The following DCHS2 variants were observed in gnomAD, a reference collection of about 807,000 sequenced individuals.
DCHS2 encodes the protein dachsous cadherin-related 2.
In DCHS2, 142 loss-of-function variants were observed where a neutral mutation model predicts 182.4. That is an observed-to-expected ratio of 0.78 (90% CI 0.68 to 0.89). DCHS2 has a LOEUF of 0.89. Among genes scored for constraint, DCHS2 ranks in the 40% least tolerant of loss-of-function variants. The pLI is 0.00. For missense variants in DCHS2, 4,319 were observed against 4,198.6 expected, an observed-to-expected ratio of 1.03 and a Z score of -0.79; for synonymous variants, 1,740 against 1,663.3, an observed-to-expected ratio of 1.05 and a Z score of -1.12.
intron 13 of DCHS2, among the ~76,000 whole-genome samples, chr4:154,283,041 C>T (rs1056261763): frequency 7.2e-5 from 11 of 152,142 alleles, no homozygotes; most frequent in Non-Finnish European, 1.6e-4. Context: ...AAGAAAATAG[C>T]TTGGTGGGCA....
intron 1 of DCHS2, among the ~76,000 whole-genome samples, chr4:154,447,129 T>G (rs1579091394): frequency 6.6e-6 from 1 of 151,960 alleles, no homozygotes; most frequent in African/African-American, 2.4e-5. Flanking sequence ...CCATCTCTAC[T>G]AAAAATACAA....
intron 3 of DCHS2, among the ~76,000 whole-genome samples, chr4:154,354,084 G>A (rs192997944): frequency 2.0e-5 from 3 of 151,966 alleles, no homozygotes; most frequent in East Asian, 1.9e-4. Context: ...GTGCCACCAC[G>A]CCCGGTTAAC....
chr4:154,238,160 G>GA (rs755539848), intron 19 of DCHS2, among the ~76,000 whole-genome samples: 1 of 11,066 alleles, frequency 9.0e-5, no homozygotes, highest in Non-Finnish European at 8.3e-4. Context: ...AAAAGACGGT[G>GA]GGGGGGTGGG....
chr4:154,333,007 C>CA lies in DCHS2; in HGVS notation c.3200dup (p.Val1068GlyfsTer28). ...GTTTCTCGATAACGACTGTCAGCAC[C>CA]AGCAGGGCTGCCTGAGGATGCACGC... On this transcript the variant is annotated frameshift_variant, in exon 5 of 20. Coordinates refer to ENST00000357232, the MANE Select transcript of DCHS2 (RefSeq NM_001358235.2). LOFTEE classifies it high-confidence loss of function. The CA allele has an allele frequency of 6.2e-7, 1 of 1,614,190 alleles. No individual in the cohort carries two copies.
At position 154,431,096 on chromosome 4, in the gene DCHS2, C is replaced by CA. The variant is rs541781484; in HGVS notation, c.2053-53653dup. ...TAGAATCAGCTTGTCAAATTCTACC[C>CA]AAAAAAATCTGCTGAGATTTTTCTT... On this transcript the variant is annotated intron_variant, in intron 1 of 19. Coordinates refer to ENST00000357232, the MANE Select transcript of DCHS2 (RefSeq NM_001358235.2). 5.5e-4 allele frequency among the ~76,000 whole-genome samples: 84 copies of CA among 152,186 alleles called. 1 individual carries two copies. The Middle Eastern group carries it at 0.014, about 25-fold the overall frequency.
chr4:154,444,532 C>T (rs1421711756), intron 1 of DCHS2, among the ~76,000 whole-genome samples: 1 of 152,140 alleles, frequency 6.6e-6, no homozygotes, highest in Admixed American at 6.6e-5. Context: ...CTTCCACCTC[C>T]ACTTCTACCA....
rs1421821397 is a variant in DCHS2 at position 154,337,095 on chromosome 4, C to A, written c.2477-1991G>T. On this transcript the variant is annotated intron_variant, in intron 3 of 19. Coordinates refer to ENST00000357232, the MANE Select transcript of DCHS2 (RefSeq NM_001358235.2). ...CCATCAAAGCACTCAGTACTTATCA[C>A]AAAAAATTTCCAAGTCAGATCTTTC... Among the ~76,000 whole-genome samples the A allele has an allele frequency of 3.3e-5, 5 of 152,124 alleles. No individual in the cohort carries two copies. In the East Asian group the frequency reaches 9.6e-4, roughly 29 times the overall value.
At chr4:154,314,173 T>A (rs1735766429) in intron 10 of DCHS2, among the ~76,000 whole-genome samples, 1 of 152,160 alleles carries the variant, frequency 6.6e-6, no homozygotes, top group African/African-American at 2.4e-5. Context: ...CCTTACTGTT[T>A]GCAAAATCAC....
At chr4:154,296,253 C>G (rs1734917846) in intron 13 of DCHS2, among the ~76,000 whole-genome samples, 1 of 152,084 alleles carries the variant, frequency 6.6e-6, no homozygotes, top group African/African-American at 2.4e-5. Context: ...TCGTGGGCAA[C>G]CAAGTGGTTT....
At chr4:154,362,943 T>G (rs540047700) in intron 3 of DCHS2, among the ~76,000 whole-genome samples, 2 of 152,200 alleles carry the variant, frequency 1.3e-5, no homozygotes, top group Non-Finnish European at 2.9e-5. Context: ...ATGTTATGGG[T>G]AAGACTTCCA....
intron 3 of DCHS2, among the ~76,000 whole-genome samples, chr4:154,335,626 C>T (rs1000254882): frequency 6.6e-6 from 1 of 152,128 alleles, no homozygotes; most frequent in Non-Finnish European, 1.5e-5. Flanking sequence ...GACTTGCCAG[C>T]CTTCATAATC....
intron 1 of DCHS2, among the ~76,000 whole-genome samples, chr4:154,464,494 G>T (rs1295131353): frequency 6.6e-6 from 1 of 152,028 alleles, no homozygotes; most frequent in African/African-American, 2.4e-5. Context: ...ATATGTTTAT[G>T]GAATATATTA....
chr4:154,285,801 A>G (rs1468059612), intron 13 of DCHS2, among the ~76,000 whole-genome samples: 2 of 152,064 alleles, frequency 1.3e-5, no homozygotes, highest in African/African-American at 4.8e-5. Flanking sequence ...AGGGGAACTC[A>G]CTGCCATGAA....
intron 3 of DCHS2, among the ~76,000 whole-genome samples, chr4:154,359,185 G>T (rs1247077170): frequency 6.6e-6 from 1 of 151,884 alleles, no homozygotes; most frequent in African/African-American, 2.4e-5. Flanking sequence ...CTATTTTAAT[G>T]ACTGCTTGGA....
chr4:154,466,537 C>T (rs1735247723), intron 1 of DCHS2, among the ~76,000 whole-genome samples: 3 of 152,078 alleles, frequency 2.0e-5, no homozygotes. Context: ...AAAATGCAAC[C>T]CTGATAAATA....
At chr4:154,368,628 T>G (rs576043549) in intron 2 of DCHS2, among the ~76,000 whole-genome samples, 21 of 152,110 alleles carry the variant, frequency 1.4e-4, no homozygotes, top group African/African-American at 4.8e-4. Context: ...GTGATTCTCC[T>G]ACCTCAGCCT....
rs1033863155 is a variant in DCHS2 at position 154,246,214 on chromosome 4, ATTAT to A, written c.6942-3446_6942-3443del. On this transcript the variant is annotated intron_variant, in intron 16 of 19. Coordinates refer to ENST00000357232, the MANE Select transcript of DCHS2 (RefSeq NM_001358235.2). Reference sequence around the variant, plus strand: ...AAATTCAGATTATTTAAATAGAAAGATTATTTATGTTATTTTAAATACAGGGTAG... The same window carrying A: ...AAATTCAGATTATTTAAATAGAAAGATTATGTTATTTTAAATACAGGGTAG... Among the ~76,000 whole-genome samples the A allele has an allele frequency of 9.7e-4, 148 of 152,310 alleles. 3 individuals are homozygous for A. The highest frequency in any genetic ancestry group is 3.1e-3 in the African/African-American group (129 of 41,576).
At chr4:154,423,958 C>T (rs964714077) in intron 1 of DCHS2, among the ~76,000 whole-genome samples, 2 of 152,158 alleles carry the variant, frequency 1.3e-5, no homozygotes, top group African/African-American at 2.4e-5. Context: ...CTTAAAATAT[C>T]GTGGTTTATC....
Position 154,257,927 on chromosome 4 carries a change from T to C in DCHS2, c.6789+1618A>G, listed in dbSNP as rs996208595. Among the ~76,000 whole-genome samples, 5 of 152,184 alleles carry C rather than the reference T, an allele frequency of 3.3e-5. No individual in the cohort carries two copies. In the East Asian group the frequency reaches 9.6e-4, roughly 29 times the overall value. The stretch of plus-strand genomic sequence containing the variant: ...CCTGGGCTTTATATGGGTCTTTGCC[T>C]TCACTTATTTCACACTGAGCAATTT... On this transcript the variant is annotated intron_variant, in intron 15 of 19. Coordinates refer to ENST00000357232, the MANE Select transcript of DCHS2 (RefSeq NM_001358235.2).
Sources: gnomAD v4.1 joint callset for allele counts (sites outside exome capture counted in the v4.1 genomes callset) on GRCh38, gnomAD v4.1.1 for gene constraint, MANE v1.5 for transcripts, NCBI Gene and HGNC (gene_info 2026-07-23, HGNC 2026-07-21) for gene names.